GNAO1: variants seen among roughly 807,000 people sequenced by gnomAD.
GNAO1 encodes guanine nucleotide-binding protein G(o) subunit alpha.
For missense variants in GNAO1, 166 were observed against 478.7 expected, an observed-to-expected ratio of 0.35 and a Z score of 6.10; for synonymous variants, 164 against 180.7, an observed-to-expected ratio of 0.91 and a Z score of 0.74.
At chr16:56,272,989 G>T (rs893348951) in intron 2 of GNAO1, among the ~76,000 whole-genome samples, 1 of 152,204 alleles carries the variant, frequency 6.6e-6, no homozygotes, top group Non-Finnish European at 1.5e-5. Flanking sequence ...CCTCTTAGGG[G>T]AATCTAGGTA....
intron 2 of GNAO1, among the ~76,000 whole-genome samples, chr16:56,243,523 G>C (rs971331630): frequency 3.3e-5 from 5 of 152,084 alleles, no homozygotes; most frequent in African/African-American, 1.2e-4. Flanking sequence ...GAATACACAC[G>C]CCTCCAAAGA....
intron 2 of GNAO1, among the ~76,000 whole-genome samples, chr16:56,208,721 G>C (rs2036356085): frequency 6.6e-6 from 1 of 152,132 alleles, no homozygotes; most frequent in Non-Finnish European, 1.5e-5. Context: ...ACATAGTCTA[G>C]ATTGCTAAAG....
chr16:56,329,629 C>T (rs1194390429), intron 4 of GNAO1, among the ~76,000 whole-genome samples: 2 of 152,206 alleles, frequency 1.3e-5, no homozygotes, highest in African/African-American at 2.4e-5. Flanking sequence ...GGATTGCCCC[C>T]TTGGCTTTCG....
At chr16:56,340,611 C>G (rs569108518) in intron 6 of GNAO1, 2 of 554,634 alleles carry the variant, frequency 3.6e-6, no homozygotes, top group East Asian at 2.9e-5. Flanking sequence ...CAACCCTGCC[C>G]GGCCCTGCTC....
At chr16:56,301,451 T>G (rs1454253646) in intron 3 of GNAO1, among the ~76,000 whole-genome samples, 17 of 152,274 alleles carry the variant, frequency 1.1e-4, no homozygotes, top group Admixed American at 1.0e-3. Context: ...CTGGGCCCCC[T>G]TTTTCCTCTG....
At chr16:56,196,265 A>G (rs762509925) in intron 2 of GNAO1, among the ~76,000 whole-genome samples, 7 of 152,186 alleles carry the variant, frequency 4.6e-5, no homozygotes, top group South Asian at 2.1e-4. Flanking sequence ...TATACATACC[A>G]TGTGTGAGTA....
At chr16:56,325,795 G>A (rs1177990956) in intron 3 of GNAO1, among the ~76,000 whole-genome samples, 1 of 152,158 alleles carries the variant, frequency 6.6e-6, no homozygotes, top group African/African-American at 2.4e-5. Context: ...GAAGGGTAAA[G>A]GGACCCAGCC....
chr16:56,289,408 G>A (rs148338538), intron 3 of GNAO1, among the ~76,000 whole-genome samples: 1 of 152,328 alleles, frequency 6.6e-6, no homozygotes, highest in Non-Finnish European at 1.5e-5. Context: ...CACCCGGTGG[G>A]GATGGGGACA....
chr16:56,340,986 A>G, intron 6 of GNAO1: 2 of 1,613,042 alleles, frequency 1.2e-6, no homozygotes, highest in Non-Finnish European at 1.7e-6. Context: ...CTGAATATAC[A>G]GGTAGAGACC....
At chr16:56,257,540 TGGGTCCTTGGG>T (rs1209831539) in intron 2 of GNAO1, among the ~76,000 whole-genome samples, 1 of 152,038 alleles carries the variant, frequency 6.6e-6, no homozygotes, top group Non-Finnish European at 1.5e-5. Context: ...TGCATCTTGT[TGGGTCCTTGGG>T]GGGGTGTGGT....
At chr16:56,317,622 T>A (rs2143621912) in intron 3 of GNAO1, among the ~76,000 whole-genome samples, 1 of 152,064 alleles carries the variant, frequency 6.6e-6, no homozygotes, top group Middle Eastern at 3.4e-3. Context: ...ATGGATGAAC[T>A]GGGGTGGCTG....
chr16:56,197,811 G>A (rs539413439), intron 2 of GNAO1, among the ~76,000 whole-genome samples: 2 of 152,316 alleles, frequency 1.3e-5, no homozygotes, highest in African/African-American at 4.8e-5. Flanking sequence ...GATCACTCAT[G>A]TTTTTCAGCT....
chr16:56,317,970 G>A (rs1328476840), intron 3 of GNAO1, among the ~76,000 whole-genome samples: 2 of 152,178 alleles, frequency 1.3e-5, no homozygotes, highest in African/African-American at 2.4e-5. Context: ...AAGCCCAAGC[G>A]AGGAAAGAGC....
Position 56,354,768 on chromosome 16 carries a change from G to T in GNAO1, c.878-98G>T. The T allele has an allele frequency of 1.4e-6, 1 of 695,332 alleles. No individual in the cohort carries two copies. 43.1% of individuals were successfully genotyped at this position (695,332 alleles called of 1,614,324 possible). Reference sequence around the variant, plus strand: ...CCTTCCTGTCTCATCCCACTTCCTGGGACACGCCACAACCCACTTCTTGTC... The same window carrying T: ...CCTTCCTGTCTCATCCCACTTCCTGTGACACGCCACAACCCACTTCTTGTC... On this transcript the variant is annotated intron_variant, in intron 7 of 8. Transcript: ENST00000262493. The surrounding 1 kb of genome is among the most constrained non-coding windows in gnomAD (Gnocchi z 4.3).
Position 56,192,159 on chromosome 16 carries a change from T to C in GNAO1, c.-77T>C. 2.5e-6 allele frequency: 2 copies of C among 800,014 alleles called. No homozygotes were observed. 49.6% of individuals were successfully genotyped at this position (800,014 alleles called of 1,614,324 possible). ...CCCCTTGAGCCCAGGCTCTGCTCTC[T>C]GGGGGGGTGGGGGGCGCTCCAAGCC... On this transcript the variant is annotated 5_prime_UTR_variant, in exon 1 of 9. Transcript: ENST00000262493.
chr16:56,288,386 TCA>T (rs756372877), intron 3 of GNAO1, among the ~76,000 whole-genome samples: 6 of 152,168 alleles, frequency 3.9e-5, no homozygotes, highest in Non-Finnish European at 8.8e-5. Flanking sequence ...CGGTGGGGTC[TCA>T]CCAGCCACCA....
At chr16:56,316,658 G>A (rs2037513009) in intron 3 of GNAO1, among the ~76,000 whole-genome samples, 1 of 152,090 alleles carries the variant, frequency 6.6e-6, no homozygotes. Flanking sequence ...TCCTCCTGAG[G>A]CCCAGACCCT....
At chr16:56,236,758 C>T (rs1173712752) in intron 2 of GNAO1, among the ~76,000 whole-genome samples, 2 of 152,182 alleles carry the variant, frequency 1.3e-5, no homozygotes, top group East Asian at 3.8e-4. Flanking sequence ...ATACCTATGG[C>T]TTTGAGGGAC....
At chr16:56,211,325 G>T (rs566015909) in intron 2 of GNAO1, among the ~76,000 whole-genome samples, 1 of 152,178 alleles carries the variant, frequency 6.6e-6, no homozygotes, top group Non-Finnish European at 1.5e-5. Flanking sequence ...AACAGTCTAC[G>T]GTTGGAGGAG....
Sources: allele counts gnomAD v4.1 joint callset (sites outside exome capture counted in the v4.1 genomes callset), GRCh38; gene constraint gnomAD v4.1.1; non-coding constraint Gnocchi (gnomAD v3.1); transcripts MANE v1.5; gene names NCBI Gene and HGNC (gene_info 2026-07-23, HGNC 2026-07-21).